The following STKLD1 variants were observed in gnomAD, a reference collection of about 807,000 sequenced individuals.
The protein encoded by STKLD1 is serine/threonine kinase like domain containing 1.
Under a neutral mutation model 80.4 loss-of-function variants are expected in STKLD1, and 79 were observed. The ratio of observed to expected loss-of-function variants is 0.98; its 90% CI spans 0.82 to 1.19. STKLD1 has a LOEUF of 1.19. STKLD1 is among the 50% of genes most tolerant of loss of function. STKLD1 has a pLI of 0.00. For missense variants in STKLD1, 841 were observed against 856.0 expected (o/e 0.98, Z 0.22); for synonymous variants, 393 against 357.6 (o/e 1.10, Z -1.12).
At chr9:133,387,683 G>T in intron 5 of STKLD1, 135 bp downstream of exon 5, 1 of 730,812 alleles carries the variant, frequency 1.4e-6, no homozygotes, top group Non-Finnish European at 2.5e-6. Context: ...TGTGTGCCTC[G>T]AGGCATTGCA....
chr9:133,400,613 C>T (rs907943836), intron 12 of STKLD1, 84 bp downstream of exon 12: 22 of 1,159,756 alleles, frequency 1.9e-5, no homozygotes, highest in Admixed American at 8.5e-5. Context: ...AGGTGGGCAC[C>T]GGGCCGGGTG....
At position 133,401,821 on chromosome 9, in the gene STKLD1, G is replaced by T. The variant is rs781909747; in HGVS notation, c.1282G>T (p.Glu428Ter). The change falls in exon 13 of 18, where the codon GAG (glutamate) becomes TAG (stop). Residue 428 changes from glutamate (E) to a stop codon, truncating the protein, a stop_gained. Transcript: ENST00000371957. LOFTEE classifies it high-confidence loss of function. ...TLLSALQSHP[E>*]EEPLLVMVYS... is the part of the protein sequence containing the mutation. ...GCTGAGTGCTCTTCAGAGCCACCCC[G>T]AGGAGGAGCCACTTCTTGTCATGGT... is the stretch of plus-strand genomic sequence containing the variant. 6 of 1,613,644 alleles carry T rather than the reference G, an allele frequency of 3.7e-6. No individual in the cohort carries two copies. The highest frequency in any genetic ancestry group is 1.1e-5 in the South Asian group (1 of 91,070).
At chr9:133,402,315 G>C (rs1355487815) in intron 13 of STKLD1, among the ~76,000 whole-genome samples, 1 of 152,182 alleles carries the variant, frequency 6.6e-6, no homozygotes, top group Non-Finnish European at 1.5e-5. Flanking sequence ...GGTGGGCACT[G>C]TTCTCCCCAA....
intron 2 of STKLD1, among the ~76,000 whole-genome samples, chr9:133,383,276 T>C (rs1216424361): frequency 5.2e-3 from 7 of 1,354 alleles, no homozygotes; most frequent in African/African-American, 0.01. Flanking sequence ...ATGGTGGTAA[T>C]GGTGGTGGTG....
chr9:133,400,885 G>C (rs1037752460), intron 12 of STKLD1, among the ~76,000 whole-genome samples: 1 of 152,228 alleles, frequency 6.6e-6, no homozygotes, highest in Non-Finnish European at 1.5e-5. Context: ...CCGTGGCCCT[G>C]GACAAGTTCC....
chr9:133,401,288 A>G (rs894060859), intron 12 of STKLD1, among the ~76,000 whole-genome samples: 3 of 151,818 alleles, frequency 2.0e-5, no homozygotes, highest in Admixed American at 2.0e-4. Flanking sequence ...ACAGGCACCC[A>G]CCACCACGCC....
At chr9:133,398,100 C>T (rs782799576) in intron 11 of STKLD1, 45 bp downstream of exon 11, 12 of 1,575,018 alleles carry the variant, frequency 7.6e-6, no homozygotes, top group Non-Finnish European at 1.0e-5. Context: ...CCCCTAGGGG[C>T]AGAAGCTATG....
chr9:133,391,473 T>C (rs1838397359), intron 7 of STKLD1, among the ~76,000 whole-genome samples: 1 of 151,326 alleles, frequency 6.6e-6, no homozygotes, highest in Non-Finnish European at 1.5e-5. Context: ...GCTGTGTCTG[T>C]GTAGAAAGAA....
chr9:133,381,438 C>G (rs923948090), intron 2 of STKLD1, among the ~76,000 whole-genome samples: 69 of 118,324 alleles, frequency 5.8e-4, no homozygotes, highest in Admixed American at 3.5e-4. Flanking sequence ...CGTGAGCCAC[C>G]CCACCCAGCC....
rs2130274722 is a variant in STKLD1, at chr9:133,385,570, C to T, written c.220-47C>T. 29 of 1,570,014 alleles carry T rather than the reference C, an allele frequency of 1.8e-5. No individual in the cohort carries two copies. The Middle Eastern group carries it at 8.4e-4, about 45-fold the overall frequency. On this transcript the variant is annotated intron_variant, in intron 3 of 17. Transcript: ENST00000371957. This position sits in a 1 kb window ranked among gnomAD's most constrained non-coding sequence, Gnocchi z 4.9. ...ACAGAGAAGCCCGAGCTGAGAAAGGCGTGGAGAGGCACTGACTTCTCCGTT... is the reference window on the plus strand; with the variant it reads ...ACAGAGAAGCCCGAGCTGAGAAAGGTGTGGAGAGGCACTGACTTCTCCGTT...
In STKLD1 at chr9:133,376,380, C is replaced by T. The variant is rs1216093653; in HGVS notation, c.-94C>T. The T allele has an allele frequency of 1.4e-5, 20 of 1,413,710 alleles. No individual in the cohort carries two copies. The highest frequency in any genetic ancestry group is 4.6e-5 in the African/African-American group (3 of 65,348). The allele number at this position is 1,413,710 out of a possible 1,614,324, so 87.6% of individuals were successfully genotyped here. On this transcript the variant is annotated 5_prime_UTR_variant, in exon 1 of 18. Transcript: ENST00000371957. ...GAGGGACGCCTGAGTGCCTCGAGGG[C>T]GCCGTTCGGGCGGGGAGGATCCCGC... is the stretch of plus-strand genomic sequence containing the variant.
chr9:133,395,560 T>C, intron 8 of STKLD1, 40 bp from the exon 9 acceptor site: 1 of 1,581,852 alleles, frequency 6.3e-7, no homozygotes, highest in African/African-American at 1.4e-5. Context: ...AGTTTTCATT[T>C]ACTTAAGGGA....
At chr9:133,392,682 G>A (rs1266067470) in intron 7 of STKLD1, among the ~76,000 whole-genome samples, 2,433 of 115,680 alleles carry the variant, frequency 0.021, 266 homozygotes, top group Non-Finnish European at 0.026. Context: ...TGAGTGGATG[G>A]GTGAGTAGGT....
intron 8 of STKLD1, among the ~76,000 whole-genome samples, chr9:133,395,357 G>A (rs1838532593): frequency 6.6e-6 from 1 of 152,134 alleles, no homozygotes; most frequent in South Asian, 2.1e-4. Context: ...GTCTAGATCA[G>A]GGGGCTTTCT....
At position 133,390,748 on chromosome 9, in the gene STKLD1, A is replaced by G. The variant is rs1838371598; in HGVS notation, c.535A>G (p.Asn179Asp). ...DHCKLQDLSS[N>D]VLMTDKAKWN... is the part of the protein sequence containing the mutation. ...CTGCAAACTGCAGGACCTGAGTTCC[A>G]ATGTGCTAATGACAGACAAAGCCAA... The change falls in exon 7 of 18, where the codon AAT becomes GAT. Residue 179 changes from asparagine (N) to aspartate (D), a missense_variant. Physicochemically the swap from Asn to Asp is conservative, Grantham distance 23 (BLOSUM62 1). Coordinates refer to ENST00000371957, the MANE Select transcript of STKLD1 (RefSeq NM_153710.5). The surrounding 1 kb of genome is among the most constrained non-coding windows in gnomAD (Gnocchi z 5.1). The G allele has an allele frequency of 8.7e-6, 14 of 1,613,786 alleles. No homozygotes were observed. The highest frequency in any genetic ancestry group is 1.2e-5 in the Non-Finnish European group (14 of 1,179,980).
chr9:133,385,655 T>G lies in STKLD1; in HGVS notation c.258T>G (p.Ser86=). The stretch of plus-strand genomic sequence containing the variant: ...TGAAGCTGCGGCACGCCCACATCTC[T>G]GTGTACCAGGAGCTGTTCATCACGT... ...PLLKLRHAHI[S]VYQELFITWN... The change falls in exon 4 of 18, where the codon TCT becomes TCG. Residue 86 remains serine (S), a synonymous_variant. Coordinates refer to ENST00000371957, the MANE Select transcript of STKLD1 (RefSeq NM_153710.5). This position sits in a 1 kb window ranked among gnomAD's most constrained non-coding sequence, Gnocchi z 4.9. The G allele has an allele frequency of 6.2e-7, 1 of 1,613,280 alleles. No homozygotes were observed. The highest frequency in any genetic ancestry group is 1.1e-5 in the South Asian group (1 of 91,082).
intron 14 of STKLD1, 111 bp downstream of exon 14, chr9:133,403,123 A>C: frequency 1.8e-6 from 2 of 1,118,134 alleles, no homozygotes; most frequent in Non-Finnish European, 2.5e-6. Flanking sequence ...CCTAAAACAC[A>C]ACAGCCATAG....
In STKLD1 at chr9:133,401,911, C is replaced by T. The variant is rs200615951; in HGVS notation, c.1339+33C>T. The T allele has an allele frequency of 4.5e-4, 731 of 1,608,776 alleles. 2 individuals are homozygous for T. Among genetic ancestry groups the T allele is most frequent in the Middle Eastern group, 2.5e-3 (15 of 6,052 alleles). On this transcript the variant is annotated intron_variant, in intron 13 of 17. Transcript: ENST00000371957. ...TGCCAGCCACCTCCTGCCCCACCCA[C>T]GCTCCAGGACAGCCCTTCCCAGGGG...
rs1398852730 is a variant in STKLD1 at position 133,404,842 on chromosome 9, CTCA to C, written c.1790_1792del (p.Ile597del). 1.2e-6 allele frequency: 2 copies of C among 1,613,120 alleles called. No individual in the cohort carries two copies. The highest frequency in any genetic ancestry group is 1.7e-6 in the Non-Finnish European group (2 of 1,179,770). On this transcript the variant is annotated inframe_deletion, in exon 17 of 18. Coordinates refer to ENST00000371957, the MANE Select transcript of STKLD1 (RefSeq NM_153710.5). ...GGAGGAGGGCGGCAGTGGCCTCAGC[CTCA>C]TCAAGGAGACCTACCAGCTCCACAG...
Sources: allele counts gnomAD v4.1 joint callset (sites outside exome capture counted in the v4.1 genomes callset), GRCh38; gene constraint gnomAD v4.1.1; non-coding constraint Gnocchi (gnomAD v3.1); transcripts MANE v1.5; gene names NCBI Gene and HGNC (gene_info 2026-07-23, HGNC 2026-07-21).